The following FYCO1 variants were observed in gnomAD, a reference collection of about 807,000 sequenced individuals.
FYCO1 encodes the protein FYVE and coiled-coil domain-containing protein 1.
FYCO1 carries 122 observed loss-of-function variants against 165.1 expected under a neutral mutation model. That is an observed-to-expected ratio of 0.74 (90% CI 0.64 to 0.86). FYCO1 has a LOEUF of 0.86. Among genes scored for constraint, FYCO1 ranks in the 40% least tolerant of loss-of-function variants. The probability of loss-of-function intolerance (pLI) is 0.00; values close to 1 mark genes in which losing one functional copy is unlikely to be tolerated. For synonymous variants in FYCO1, 648 were observed against 742.5 expected (o/e 0.87, Z 2.07); for missense variants, 1,702 against 1,810.3 (o/e 0.94, Z 1.09).
intron 16 of FYCO1, among the ~76,000 whole-genome samples, chr3:45,926,752 G>A (rs1472091147): frequency 1.3e-5 from 2 of 152,158 alleles, no homozygotes; most frequent in Admixed American, 6.5e-5. Context: ...ATCACCTGAG[G>A]TCAGGAGTTC....
At chr3:45,936,677 G>C in intron 14 of FYCO1, 134 bp from the exon 15 acceptor site, 4 of 725,102 alleles carry the variant, frequency 5.5e-6, no homozygotes, top group Non-Finnish European at 1.0e-5. Context: ...TAGAGGCCAT[G>C]ACAGAGACCC....
At chr3:45,984,695 G>T in intron 2 of FYCO1, 161 bp downstream of exon 2, 1 of 741,446 alleles carries the variant, frequency 1.3e-6, no homozygotes, top group Non-Finnish European at 2.4e-6. Context: ...ACACAAGGTG[G>T]ATATTTGAGA....
chr3:45,955,258 G>A lies in FYCO1; in HGVS notation c.3935C>T (p.Ala1312Val), dbSNP rs140583635. 133 of 1,613,828 alleles carry A rather than the reference G, an allele frequency of 8.2e-5. No individual in the cohort carries two copies. Among genetic ancestry groups the A allele is most frequent in the Non-Finnish European group, 9.4e-5 (111 of 1,180,040 alleles). ...GGTGACCTCTACTCACTGTTCAGCC[G>A]CATTTGGGTCGAGAGAATCAGTTTC... is the stretch of plus-strand genomic sequence containing the variant. ...PTETDSLDPN[A>V]AEQDTTSTSL... Residue 1312 changes from alanine (A) to valine (V), a missense_variant, in exon 14 of 18, where the codon GCG becomes GTG. Transcript: ENST00000296137.
chr3:45,966,415 G>A lies in FYCO1; in HGVS notation c.2919C>T (p.Gly973=), dbSNP rs369952190. ...GCTGGGCCTGCAGGCCAGGCAGTGA[G>A]CCGGCTGCTGCCTTGGCCGCCTTCA... ...EKLKAAKAAA[G]SLPGLQAQLA... Residue 973 remains glycine (G), a synonymous_variant, in exon 8 of 18, where the codon GGC becomes GGT. Coordinates refer to ENST00000296137, the MANE Select transcript of FYCO1 (RefSeq NM_024513.4). 6.2e-7 allele frequency: 1 copy of A among 1,613,306 alleles called. No individual in the cohort carries two copies. The highest frequency in any genetic ancestry group is 8.5e-7 in the Non-Finnish European group (1 of 1,179,374).
intron 13 of FYCO1, among the ~76,000 whole-genome samples, chr3:45,958,122 C>T (rs1055965456): frequency 6.6e-6 from 1 of 152,200 alleles, no homozygotes; most frequent in Non-Finnish European, 1.5e-5. Flanking sequence ...CGGCATTCTC[C>T]AAAGCATGGG....
intron 1 of FYCO1, among the ~76,000 whole-genome samples, chr3:45,995,131 G>C (rs1441895465): frequency 1.3e-5 from 2 of 151,810 alleles, no homozygotes; most frequent in Non-Finnish European, 2.9e-5. Flanking sequence ...GGTGTTTCGG[G>C]AAAAGACCCC....
At chr3:45,947,034 G>A (rs1704660934) in intron 14 of FYCO1, 12 of 1,614,024 alleles carry the variant, frequency 7.4e-6, no homozygotes, top group South Asian at 3.3e-5. Context: ...TTACCATGAC[G>A]AGGCAATTTC....
intron 2 of FYCO1, among the ~76,000 whole-genome samples, chr3:45,982,495 C>G (rs559258236): frequency 1.1e-4 from 16 of 152,294 alleles, no homozygotes; most frequent in Non-Finnish European, 1.9e-4. Flanking sequence ...CTCTTAACTT[C>G]TAAGATAATT....
intron 13 of FYCO1, among the ~76,000 whole-genome samples, chr3:45,957,637 CT>C (rs1575359210): frequency 6.6e-6 from 1 of 152,250 alleles, no homozygotes; most frequent in East Asian, 1.9e-4. Context: ...ACTCCCCATC[CT>C]TGTCAGTTCT....
intron 12 of FYCO1, 88 bp from the exon 13 acceptor site, chr3:45,958,707 A>C: frequency 1.5e-6 from 2 of 1,292,384 alleles, no homozygotes; most frequent in Non-Finnish European, 2.2e-6. Flanking sequence ...TCTGGATGCC[A>C]TGTGACTCTC....
At chr3:45,936,621 G>C in intron 14 of FYCO1, 78 bp from the exon 15 acceptor site, 1 of 1,029,316 alleles carries the variant, frequency 9.7e-7, no homozygotes, top group Non-Finnish European at 1.5e-6. Flanking sequence ...CGCAGTCTTG[G>C]AGTCACAGGC....
intron 10 of FYCO1, among the ~76,000 whole-genome samples, chr3:45,963,761 C>T (rs1195237761): frequency 2.6e-5 from 4 of 152,186 alleles, no homozygotes; most frequent in Non-Finnish European, 5.9e-5. Context: ...CCACATGGCC[C>T]CAAGCCTGAA....
rs547953154 is a variant in FYCO1 at position 45,936,525 on chromosome 3, C to T, written c.3963G>A (p.Ser1321=). The T allele has an allele frequency of 1.9e-5, 31 of 1,612,834 alleles. No homozygotes were observed. Among genetic ancestry groups the T allele is most frequent in the African/African-American group, 6.7e-5 (5 of 75,032 alleles). Reference sequence around the variant, plus strand: ...TGTCTTCAGTGTCCTCAGGCGTTAGCGAGGTTGATGTAGTATCCCTGAAAT... The same window carrying T: ...TGTCTTCAGTGTCCTCAGGCGTTAGTGAGGTTGATGTAGTATCCCTGAAAT... ...NAAEQDTTST[S]LTPEDTEDMP... The change falls in exon 15 of 18, where the codon TCG becomes TCA. Residue 1321 remains serine (S), a synonymous_variant. Transcript: ENST00000296137.
In FYCO1 at chr3:45,979,908, C is replaced by A. The variant is rs962169599; in HGVS notation, c.163-78G>T. 8.2e-5 allele frequency: 128 copies of A among 1,562,852 alleles called. No individual in the cohort carries two copies. In the East Asian group the frequency reaches 2.8e-3, roughly 35 times the overall value. On this transcript the variant is annotated intron_variant, in intron 3 of 17. Coordinates refer to ENST00000296137, the MANE Select transcript of FYCO1 (RefSeq NM_024513.4). The stretch of plus-strand genomic sequence containing the variant: ...CCGGCATTTAAATGATAAATAATAA[C>A]AATAGCTTCTTAGGTGCCAGCACTG...
At chr3:45,948,505 C>T (rs1016842030) in intron 14 of FYCO1, among the ~76,000 whole-genome samples, 1 of 152,254 alleles carries the variant, frequency 6.6e-6, no homozygotes, top group Non-Finnish European at 1.5e-5. Flanking sequence ...AATGACCCTG[C>T]TCTTTCACTG....
intron 14 of FYCO1, among the ~76,000 whole-genome samples, chr3:45,937,716 T>G (rs1280226459): frequency 1.3e-5 from 2 of 152,242 alleles, no homozygotes; most frequent in African/African-American, 4.8e-5. Context: ...GAACGCAGGC[T>G]GCAGCACCTG....
rs146216196 is a variant in FYCO1, at chr3:45,990,652, G to A, written c.-113+5070C>T. 1.3e-3 allele frequency among the ~76,000 whole-genome samples: 196 copies of A among 152,288 alleles called. 1 individual carries two copies. The highest frequency in any genetic ancestry group is 0.01 in the Middle Eastern group (3 of 294). ...GGAGAGCCCTCAATAAATTACTGCTGAATGAATGAATGAATTAGACAAAAC... is the reference window on the plus strand; with the variant it reads ...GGAGAGCCCTCAATAAATTACTGCTAAATGAATGAATGAATTAGACAAAAC... On this transcript the variant is annotated intron_variant, in intron 1 of 17. Coordinates refer to ENST00000296137, the MANE Select transcript of FYCO1 (RefSeq NM_024513.4).
intron 14 of FYCO1, chr3:45,948,182 C>T (rs1023264283): frequency 6.0e-6 from 1 of 167,140 alleles, no homozygotes; most frequent in Non-Finnish European, 1.5e-5. Context: ...ATCTAAGCAG[C>T]ATTTCTGAAG....
intron 14 of FYCO1, among the ~76,000 whole-genome samples, chr3:45,942,229 G>A (rs1704272835): frequency 6.6e-6 from 1 of 152,238 alleles, no homozygotes; most frequent in Non-Finnish European, 1.5e-5. Context: ...GACAGTCCTG[G>A]GTGACTGCCA....
Sources: allele counts gnomAD v4.1 joint callset (sites outside exome capture counted in the v4.1 genomes callset), GRCh38; gene constraint gnomAD v4.1.1; transcripts MANE v1.5; gene names NCBI Gene and HGNC (gene_info 2026-07-23, HGNC 2026-07-21).